The following KCTD8 variants were observed in gnomAD, a reference collection of about 807,000 sequenced individuals.
KCTD8 encodes potassium channel tetramerization domain containing 8, also known as BTB/POZ domain-containing protein KCTD8.
KCTD8 carries 27 observed loss-of-function variants against 31.5 expected under a neutral mutation model. That is an observed-to-expected ratio of 0.86 (90% CI 0.63 to 1.18). The LOEUF is 1.18. Among genes scored for constraint, KCTD8 ranks in the 50% most tolerant of loss-of-function variants. The pLI, the probability that KCTD8 is intolerant of heterozygous loss-of-function variation, is 0.00. For synonymous variants in KCTD8, 290 were observed against 280.0 expected (o/e 1.04, Z -0.36); for missense variants, 658 against 647.7 (o/e 1.02, Z -0.17).
At chr4:44,200,803 C>G (rs1714122302) in intron 1 of KCTD8, among the ~76,000 whole-genome samples, 2 of 151,962 alleles carry the variant, frequency 1.3e-5, no homozygotes, top group African/African-American at 4.8e-5. Context: ...AAAGTCCTAA[C>G]CAGAGCAATC....
rs1389053214 is a variant in KCTD8, at chr4:44,175,345, C to A, written c.962-95G>T. On this transcript the variant is annotated intron_variant, in intron 1 of 1. Transcript: ENST00000360029. ...GAACTCTATATTTTCTATTTTAAAC[C>A]AAGAACATTTATTTTAACAAAAATG... 5.4e-6 allele frequency: 4 copies of A among 747,138 alleles called. No individual in the cohort carries two copies. In the East Asian group the frequency reaches 8.3e-5, roughly 16 times the overall value. 46.3% of individuals were successfully genotyped at this position (747,138 alleles called of 1,614,324 possible).
chr4:44,447,836 G>T lies in KCTD8; in HGVS notation c.688C>A (p.Arg230=). The change falls in exon 1 of 2, where the codon CGG becomes AGG. Residue 230 remains arginine (R), a synonymous_variant. Transcript: ENST00000360029. ...CACACCATGATGCGCGCCACACGCC[G>T]GAATTTGGCGTCGGCCTGGTTGTCG... ...VRDNQADAKF[R]RVARIMVCGR... is the part of the protein sequence containing the mutation. 1 of 1,592,538 alleles carries T rather than the reference G, an allele frequency of 6.3e-7. No individual in the cohort carries two copies.
intron 1 of KCTD8, among the ~76,000 whole-genome samples, chr4:44,179,528 T>C (rs1713317008): frequency 6.7e-6 from 1 of 149,244 alleles, no homozygotes. Flanking sequence ...TTTATATATA[T>C]ATATATTCAT....
intron 1 of KCTD8, among the ~76,000 whole-genome samples, chr4:44,192,271 C>A (rs1282258979): frequency 1.3e-5 from 2 of 152,088 alleles, no homozygotes; most frequent in Non-Finnish European, 2.9e-5. Context: ...ATTATTATGA[C>A]AGCAATATAA....
chr4:44,282,677 T>C (rs1298329388), intron 1 of KCTD8, among the ~76,000 whole-genome samples: 1 of 152,054 alleles, frequency 6.6e-6, no homozygotes. Flanking sequence ...GCTAAGCCAG[T>C]GAACACATGA....
intron 1 of KCTD8, among the ~76,000 whole-genome samples, chr4:44,202,353 A>G (rs969505517): frequency 2.6e-5 from 4 of 152,206 alleles, no homozygotes; most frequent in Admixed American, 2.0e-4. Context: ...CACTATTCAC[A>G]ATAGCAAAGA....
chr4:44,418,183 T>C (rs1255045511), intron 1 of KCTD8, among the ~76,000 whole-genome samples: 2 of 152,062 alleles, frequency 1.3e-5, no homozygotes, highest in African/African-American at 2.4e-5. Flanking sequence ...CCTAACTATA[T>C]GGCTTTAAAA....
At chr4:44,394,524 T>C (rs906521102) in intron 1 of KCTD8, among the ~76,000 whole-genome samples, 1 of 152,142 alleles carries the variant, frequency 6.6e-6, no homozygotes, top group Non-Finnish European at 1.5e-5. Flanking sequence ...TTTAATGTCA[T>C]AAAAACTCAC....
At chr4:44,246,357 T>C (rs1039223422) in intron 1 of KCTD8, among the ~76,000 whole-genome samples, 3 of 152,042 alleles carry the variant, frequency 2.0e-5, no homozygotes, top group African/African-American at 7.2e-5. Context: ...CCTCTGAGCA[T>C]GAGGTATTTT....
chr4:44,417,529 T>C lies in KCTD8; in HGVS notation c.961+30034A>G, dbSNP rs1432611413. 2.4e-4 allele frequency among the ~76,000 whole-genome samples: 6 copies of C among 25,440 alleles called. No individual in the cohort carries two copies. In the East Asian group the frequency reaches 3.1e-3, roughly 13 times the overall value. 16.7% of individuals were successfully genotyped at this position (25,440 alleles called of 152,430 possible). On this transcript the variant is annotated intron_variant, in intron 1 of 1. Transcript: ENST00000360029. Reference sequence around the variant, plus strand: ...TTTTCCTGGTTAGATTATACAACTATTTAAAGAAAGAAATCATTTCTTACT... The same window carrying C: ...TTTTCCTGGTTAGATTATACAACTACTTAAAGAAAGAAATCATTTCTTACT...
At chr4:44,182,692 T>C (rs908372372) in intron 1 of KCTD8, among the ~76,000 whole-genome samples, 6 of 152,090 alleles carry the variant, frequency 3.9e-5, no homozygotes, top group Non-Finnish European at 7.4e-5. Flanking sequence ...CCAGAGACCT[T>C]TGTTCACTTG....
At chr4:44,344,299 C>T (rs1718984630) in intron 1 of KCTD8, among the ~76,000 whole-genome samples, 2 of 152,104 alleles carry the variant, frequency 1.3e-5, no homozygotes, top group Non-Finnish European at 2.9e-5. Context: ...ATCCTCCCAC[C>T]TCAGCCTCCC....
chr4:44,206,955 C>T (rs997092997), intron 1 of KCTD8, among the ~76,000 whole-genome samples: 9 of 152,252 alleles, frequency 5.9e-5, no homozygotes, highest in Admixed American at 1.3e-4. Context: ...TCAAAATGAA[C>T]ATTTACTATT....
intron 1 of KCTD8, among the ~76,000 whole-genome samples, chr4:44,235,602 G>A (rs1290060118): frequency 7.3e-6 from 1 of 136,378 alleles, no homozygotes; most frequent in African/African-American, 2.7e-5. Context: ...GAGAGAGAGA[G>A]AGTATGAGTA....
chr4:44,280,408 G>T (rs1396883506), intron 1 of KCTD8, among the ~76,000 whole-genome samples: 1 of 152,000 alleles, frequency 6.6e-6, no homozygotes, highest in Admixed American at 6.6e-5. Flanking sequence ...CAAACACTCA[G>T]CTTTTCTATC....
chr4:44,329,798 G>T (rs1300030138), intron 1 of KCTD8, among the ~76,000 whole-genome samples: 1 of 151,840 alleles, frequency 6.6e-6, no homozygotes, highest in African/African-American at 2.4e-5. Context: ...TAATATTCTT[G>T]AGATACAAAT....
intron 1 of KCTD8, among the ~76,000 whole-genome samples, chr4:44,188,171 T>C (rs1312748858): frequency 2.0e-5 from 3 of 152,184 alleles, no homozygotes; most frequent in East Asian, 1.9e-4. Flanking sequence ...CTCAGCCATA[T>C]GCAACTTCTT....
intron 1 of KCTD8, among the ~76,000 whole-genome samples, chr4:44,347,448 G>GCTA (rs992550110): frequency 6.6e-6 from 1 of 152,146 alleles, no homozygotes; most frequent in Non-Finnish European, 1.5e-5. Context: ...AGAGCCAATG[G>GCTA]CTACTGGTCA....
chr4:44,356,423 GTTAGGTTA>G (rs1274346734), intron 1 of KCTD8, among the ~76,000 whole-genome samples: 1 of 152,156 alleles, frequency 6.6e-6, no homozygotes, highest in African/African-American at 2.4e-5. Flanking sequence ...AGATAGATCT[GTTAGGTTA>G]TTCTTAGATC....
Sources: gnomAD v4.1 joint callset for allele counts (sites outside exome capture counted in the v4.1 genomes callset) on GRCh38, gnomAD v4.1.1 for gene constraint, MANE v1.5 for transcripts, NCBI Gene and HGNC (gene_info 2026-07-23, HGNC 2026-07-21) for gene names.